The following SLIT3 variants were observed in gnomAD, a reference collection of about 807,000 sequenced individuals.
SLIT3 encodes slit guidance ligand 3.
Under a neutral mutation model 184.0 loss-of-function variants are expected in SLIT3, and 68 were observed. That is an observed-to-expected ratio of 0.37 (90% CI 0.30 to 0.45). The LOEUF (loss-of-function observed/expected upper bound fraction) is 0.45, where lower values mean the gene tolerates loss of function less well. Among genes scored for constraint, SLIT3 ranks in the 20% least tolerant of loss-of-function variants. SLIT3 has a pLI of 1.00. For synonymous variants in SLIT3, 831 were observed against 828.6 expected (o/e 1.00, Z -0.05); for missense variants, 1,707 against 2,026.0 (o/e 0.84, Z 3.02).
chr5:168,972,981 G>C (rs1042426994), intron 4 of SLIT3, among the ~76,000 whole-genome samples: 2 of 152,126 alleles, frequency 1.3e-5, no homozygotes, highest in African/African-American at 4.8e-5. Flanking sequence ...TGAAGTGTTT[G>C]GCTAAGCAAA....
intron 20 of SLIT3, among the ~76,000 whole-genome samples, chr5:168,735,372 C>T (rs1424791633): frequency 6.6e-6 from 1 of 152,054 alleles, no homozygotes. Flanking sequence ...TGCTCCAGGC[C>T]AGAATTTCCA....
chr5:169,093,912 G>A (rs761166825), intron 4 of SLIT3, among the ~76,000 whole-genome samples: 3 of 152,186 alleles, frequency 2.0e-5, no homozygotes, highest in African/African-American at 4.8e-5. Flanking sequence ...AAGAATAGAA[G>A]TAATATCTAA....
chr5:168,823,164 G>T, intron 7 of SLIT3, 96 bp downstream of exon 7: 2 of 974,002 alleles, frequency 2.1e-6, no homozygotes, highest in Non-Finnish European at 3.4e-6. Flanking sequence ...CATCTGCCTA[G>T]TCATAGCATG....
intron 3 of SLIT3, among the ~76,000 whole-genome samples, chr5:169,204,540 G>C (rs1405299568): frequency 6.6e-6 from 1 of 152,176 alleles, no homozygotes; most frequent in Non-Finnish European, 1.5e-5. Flanking sequence ...GATGATTCAG[G>C]GGAGAGAGGA....
At position 169,115,628 on chromosome 5, in the gene SLIT3, G is replaced by A. The variant is rs114997413; in HGVS notation, c.413+77851C>T. ...GATCCTGTTACCAGAATTCCTGGTC[G>A]TCAACACACATTGATTTAATGATGA... On this transcript the variant is annotated intron_variant, in intron 4 of 35. Coordinates refer to ENST00000519560, the MANE Select transcript of SLIT3 (RefSeq NM_003062.4). Among the ~76,000 whole-genome samples, 430 of 152,270 alleles carry A rather than the reference G, an allele frequency of 2.8e-3. 3 individuals are homozygous for A. The highest frequency in any genetic ancestry group is 0.018 in the South Asian group (85 of 4,806).
At chr5:169,076,295 A>C (rs915557096) in intron 4 of SLIT3, among the ~76,000 whole-genome samples, 1 of 152,212 alleles carries the variant, frequency 6.6e-6, no homozygotes. Flanking sequence ...GAGAGACCAT[A>C]TATTAGCACT....
intron 4 of SLIT3, among the ~76,000 whole-genome samples, chr5:169,050,666 G>A (rs964507522): frequency 1.3e-5 from 2 of 151,930 alleles, no homozygotes; most frequent in Admixed American, 1.3e-4. Flanking sequence ...CCTTTGAACT[G>A]GATACTACGC....
intron 4 of SLIT3, among the ~76,000 whole-genome samples, chr5:169,184,567 G>GC (rs1421873186): frequency 6.6e-6 from 1 of 152,158 alleles, no homozygotes; most frequent in African/African-American, 2.4e-5. Flanking sequence ...CTTAAAGTAT[G>GC]CCCCTAAGTG....
intron 3 of SLIT3, among the ~76,000 whole-genome samples, chr5:169,229,259 A>G (rs1165963469): frequency 1.3e-5 from 2 of 152,236 alleles, no homozygotes; most frequent in African/African-American, 4.8e-5. Context: ...TCTAAAGAAT[A>G]AAACAAAACT....
intron 6 of SLIT3, among the ~76,000 whole-genome samples, chr5:168,835,126 G>A (rs890769892): frequency 2.0e-5 from 3 of 152,254 alleles, no homozygotes; most frequent in African/African-American, 7.2e-5. Context: ...TCTATTGGAC[G>A]GTGCTGCTGG....
intron 3 of SLIT3, among the ~76,000 whole-genome samples, chr5:169,207,366 TACATAC>T (rs1370038660): frequency 1.5e-4 from 13 of 84,440 alleles, no homozygotes; most frequent in African/African-American, 1.5e-4. Context: ...TACATACACA[TACATAC>T]ACACACACAC....
chr5:169,197,436 C>A (rs1017168014), intron 3 of SLIT3, among the ~76,000 whole-genome samples: 10 of 152,190 alleles, frequency 6.6e-5, no homozygotes, highest in African/African-American at 2.4e-4. Flanking sequence ...ATAAGGTACA[C>A]TTCCCATGTG....
At chr5:168,746,562 TG>T (rs1299011222) in intron 20 of SLIT3, among the ~76,000 whole-genome samples, 2 of 88,682 alleles carry the variant, frequency 2.3e-5, no homozygotes, top group Admixed American at 1.2e-4. Context: ...GGTGTGGGTG[TG>T]GTGGTGTGTG....
intron 4 of SLIT3, among the ~76,000 whole-genome samples, chr5:169,064,356 A>G (rs1286499337): frequency 6.6e-6 from 1 of 152,218 alleles, no homozygotes; most frequent in African/African-American, 2.4e-5. Context: ...ATTTAGTCCA[A>G]TAAAAGCAAT....
intron 4 of SLIT3, among the ~76,000 whole-genome samples, chr5:169,019,212 C>T (rs534880167): frequency 1.7e-3 from 263 of 152,380 alleles, no homozygotes; most frequent in Admixed American, 5.4e-3. Context: ...AGTGCAAACA[C>T]TGTCCCTTCT....
At chr5:169,192,043 G>A (rs368034131) in intron 4 of SLIT3, among the ~76,000 whole-genome samples, 8 of 152,298 alleles carry the variant, frequency 5.3e-5, no homozygotes, top group African/African-American at 1.4e-4. Context: ...TAGTGATTAC[G>A]TGAGCATCTA....
intron 1 of SLIT3, among the ~76,000 whole-genome samples, chr5:169,262,520 G>A (rs1017957440): frequency 6.6e-6 from 1 of 152,166 alleles, no homozygotes; most frequent in African/African-American, 2.4e-5. Flanking sequence ...AGAGGCAGGT[G>A]GTGTCCAGGC....
intron 8 of SLIT3, among the ~76,000 whole-genome samples, chr5:168,810,126 G>A (rs901870541): frequency 2.6e-5 from 4 of 152,354 alleles, no homozygotes; most frequent in Admixed American, 2.0e-4. Context: ...GAAGGTAGAG[G>A]CAGTGGATTT....
In SLIT3 at chr5:169,300,562, GC is replaced by G; in HGVS notation, c.147del (p.Leu50TrpfsTer59). The G allele has an allele frequency of 6.6e-7, 1 of 1,510,796 alleles. No individual in the cohort carries two copies. Among genetic ancestry groups the G allele is most frequent in the Non-Finnish European group, 8.8e-7 (1 of 1,133,050 alleles). The allele number at this position is 1,510,796 out of a possible 1,614,324, so 93.6% of individuals were successfully genotyped here. A position where few individuals can be genotyped will look rare whatever the true frequency, so the allele number is the denominator to read the frequency against. On this transcript the variant is annotated frameshift_variant, in exon 1 of 36. Coordinates refer to ENST00000519560, the MANE Select transcript of SLIT3 (RefSeq NM_003062.4). LOFTEE classifies it high-confidence loss of function. The surrounding 1 kb of genome is among the most constrained non-coding windows in gnomAD (Gnocchi z 4.1). The part of the protein sequence containing the change: ...TCSAASVDCH[G>X]LGLRAVPRGI... ...CCCCGAGGAACCGCGCGGAGGCCCA[GC>G]CCGTGGCAGTCCACGCTGGCAGCGG...
Sources: allele counts gnomAD v4.1 joint callset (sites outside exome capture counted in the v4.1 genomes callset), GRCh38; gene constraint gnomAD v4.1.1; non-coding constraint Gnocchi (gnomAD v3.1); transcripts MANE v1.5; gene names NCBI Gene and HGNC (gene_info 2026-07-23, HGNC 2026-07-21).